IVD: variants seen among roughly 807,000 people sequenced by gnomAD.
IVD encodes the protein isovaleryl-CoA dehydrogenase.
A neutral mutation model predicts 51.3 loss-of-function variants in IVD; 31 were observed. The ratio of observed to expected loss-of-function variants is 0.60; its 90% CI spans 0.45 to 0.81. The LOEUF is 0.81. IVD is among the 40% of genes least tolerant of loss of function. IVD has a pLI of 0.00. For synonymous variants in IVD, 205 were observed against 219.4 expected (o/e 0.93, Z 0.58); for missense variants, 475 against 552.0 (o/e 0.86, Z 1.40).
chr15:40,424,196 C>T, downstream of IVD: 3 of 1,288,184 alleles, frequency 2.3e-6, no homozygotes, highest in South Asian at 3.7e-5. Flanking sequence ...CCCGCAAATT[C>T]TTCAGTGGCT....
downstream of IVD, among the ~76,000 whole-genome samples, chr15:40,422,182 A>G (rs1054210267): frequency 6.6e-6 from 1 of 152,122 alleles, no homozygotes; most frequent in Non-Finnish European, 1.5e-5. Flanking sequence ...CAAGGCCCCC[A>G]GTTTGGGATT....
intron 7 of IVD, among the ~76,000 whole-genome samples, chr15:40,413,426 G>A (rs1281009553): frequency 2.0e-5 from 3 of 151,986 alleles, no homozygotes; most frequent in Non-Finnish European, 2.9e-5. Context: ...TCACGTTTTT[G>A]TAAAATATTT....
chr15:40,413,172 G>A, intron 7 of IVD, 85 bp downstream of exon 7: 1 of 1,077,486 alleles, frequency 9.3e-7, no homozygotes, highest in Non-Finnish European at 1.4e-6. Context: ...AAAGCCTCTG[G>A]GTTAGAGAGG....
At chr15:40,434,578 T>A (rs1893161642) in intron 8 of IVD, among the ~76,000 whole-genome samples, 1 of 152,110 alleles carries the variant, frequency 6.6e-6, no homozygotes, top group African/African-American at 2.4e-5. Context: ...TGGTCAGGAA[T>A]GTGTGAGGAG....
At chr15:40,407,870 G>T in intron 2 of IVD, 69 bp from the exon 3 acceptor site, 1 of 1,540,538 alleles carries the variant, frequency 6.5e-7, no homozygotes, top group South Asian at 1.1e-5. Flanking sequence ...GGGTCTCATT[G>T]TTCCAGCCAC....
chr15:40,407,235 T>C (rs1890544312), intron 1 of IVD, among the ~76,000 whole-genome samples: 1 of 152,250 alleles, frequency 6.6e-6, no homozygotes, highest in Admixed American at 6.5e-5. Flanking sequence ...TAAAAGAGCC[T>C]GACAACTATT....
chr15:40,411,756 C>T (rs746338342), intron 6 of IVD, 65 bp downstream of exon 6: 34 of 1,561,030 alleles, frequency 2.2e-5, no homozygotes, highest in Admixed American at 3.4e-5. Context: ...AGAGATAGCC[C>T]GTTCACTGAT....
exon 8 of IVD, chr15:40,433,862 C>A (rs1195367881): frequency 2.2e-6 from 1 of 456,596 alleles, no homozygotes; most frequent in African/African-American, 2.0e-5. Context: ...AGCCTGGGTC[C>A]ATGGATCTTG....
intron 6 of IVD, 95 bp downstream of exon 6, chr15:40,411,786 G>T: frequency 6.9e-7 from 1 of 1,459,610 alleles, no homozygotes; most frequent in Non-Finnish European, 9.5e-7. Flanking sequence ...AATCAGTGTT[G>T]TGTGCTCTGC....
intron 10 of IVD, 29 bp downstream of exon 10, chr15:40,416,211 CG>C (rs1891661451): frequency 6.2e-7 from 1 of 1,612,274 alleles, no homozygotes. Context: ...CGGGGAGAGG[CG>C]GGGGCAGTGG....
chr15:40,410,910 A>G, intron 4 of IVD, 113 bp downstream of exon 4: 1 of 1,322,684 alleles, frequency 7.6e-7, no homozygotes, highest in African/African-American at 1.5e-5. Context: ...TGCTGCCATG[A>G]ACCAAATGTG....
chr15:40,431,774 A>C (rs1311437684), intron 7 of IVD, among the ~76,000 whole-genome samples: 1 of 152,122 alleles, frequency 6.6e-6, no homozygotes, highest in Non-Finnish European at 1.5e-5. Flanking sequence ...ATTACCTATC[A>C]CAGAATACAC....
chr15:40,424,062 C>G, downstream of IVD: 1 of 973,344 alleles, frequency 1.0e-6, no homozygotes, highest in Non-Finnish European at 1.4e-6. Context: ...CAGCCACTCT[C>G]AGAGGCTAGC....
At chr15:40,426,596 C>A (rs138363601), downstream of IVD, among the ~76,000 whole-genome samples, 23 of 151,850 alleles carry the variant, frequency 1.5e-4, no homozygotes, top group African/African-American at 5.3e-4. Flanking sequence ...TACAGATGTG[C>A]AAGTGTTCCT....
chr15:40,435,600 A>G (rs540140145), downstream of IVD: 2 of 1,115,644 alleles, frequency 1.8e-6, no homozygotes, highest in African/African-American at 3.3e-5. Context: ...CCTTTCCTCA[A>G]AATCCTTCTA....
chr15:40,406,242 T>G, intron 1 of IVD: 2 of 1,489,474 alleles, frequency 1.3e-6, no homozygotes, highest in Non-Finnish European at 1.8e-6. Flanking sequence ...CTGGGAGAGC[T>G]CCTGAGAGAC....
chr15:40,412,353 G>C (rs927767591), intron 6 of IVD, among the ~76,000 whole-genome samples: 2 of 152,202 alleles, frequency 1.3e-5, no homozygotes, highest in African/African-American at 4.8e-5. Context: ...GGCCACGAGT[G>C]GGGGAGTTGG....
chr15:40,420,538 T>C lies in IVD; in HGVS notation c.*2275T>C, dbSNP rs11790. On this transcript the variant is annotated 3_prime_UTR_variant, in exon 12 of 12. Coordinates refer to ENST00000487418, the MANE Select transcript of IVD (RefSeq NM_002225.5). Reference sequence around the variant, plus strand: ...GAGTGGCTGGCCCAGGTCCTATTCCTGTCCTCCAGCCCGTTCTTTCATGAG... The same window carrying C: ...GAGTGGCTGGCCCAGGTCCTATTCCCGTCCTCCAGCCCGTTCTTTCATGAG... 632,171 of 987,356 alleles carry C rather than the reference T, an allele frequency of 0.64. 204,859 individuals carry two copies. The highest frequency in any genetic ancestry group is 0.81 in the East Asian group (7,080 of 8,788). The allele number at this position is 987,356 out of a possible 1,614,324, so 61.2% of individuals were successfully genotyped here.
chr15:40,421,490 G>A (rs988994973), downstream of IVD, among the ~76,000 whole-genome samples: 1 of 152,186 alleles, frequency 6.6e-6, no homozygotes, highest in African/African-American at 2.4e-5. Context: ...AGGGCAGCTC[G>A]CTGCTGTTGA....
Sources: gnomAD v4.1 joint callset for allele counts (sites outside exome capture counted in the v4.1 genomes callset) on GRCh38, gnomAD v4.1.1 for gene constraint, MANE v1.5 for transcripts, NCBI Gene and HGNC (gene_info 2026-07-23, HGNC 2026-07-21) for gene names.